The following LIN9 variants were observed in gnomAD, a reference collection of about 807,000 sequenced individuals.
LIN9 encodes lin-9 DREAM MuvB core complex component, also known as protein lin-9 homolog.
In LIN9, 18 loss-of-function variants were observed where a neutral mutation model predicts 78.0. The ratio of observed to expected loss-of-function variants is 0.23; its 90% CI spans 0.16 to 0.34. The LOEUF (loss-of-function observed/expected upper bound fraction) is 0.34. LIN9 is among the 10% of genes least tolerant of loss of function. LIN9 has a pLI of 1.00. For synonymous variants in LIN9, 192 were observed against 215.2 expected, an observed-to-expected ratio of 0.89 and a Z score of 0.94; for missense variants, 451 against 644.1, an observed-to-expected ratio of 0.70 and a Z score of 3.25.
At chr1:226,288,349 C>T (rs114333469) in intron 4 of LIN9, among the ~76,000 whole-genome samples, 207 of 152,204 alleles carry the variant, frequency 1.4e-3, no homozygotes, top group African/African-American at 4.6e-3. Context: ...TATTAAAAGA[C>T]GATGAGAACG....
At chr1:226,248,344 AC>A (rs1487621580) in intron 11 of LIN9, among the ~76,000 whole-genome samples, 1 of 152,220 alleles carries the variant, frequency 6.6e-6, no homozygotes, top group Non-Finnish European at 1.5e-5. Flanking sequence ...TCATTTAAAA[AC>A]ATGCCAGAAA....
chr1:226,301,143 T>C (rs1364204428), intron 2 of LIN9, 30 bp downstream of exon 2: 5 of 1,548,590 alleles, frequency 3.2e-6, no homozygotes, highest in Admixed American at 1.8e-5. Context: ...CTTTTAGCTA[T>C]GGTATACCTA....
chr1:226,231,990 T>C lies in LIN9; in HGVS notation c.*511A>G, dbSNP rs1421100283. 5 of 396,800 alleles carry C rather than the reference T, an allele frequency of 1.3e-5. No individual in the cohort carries two copies. Among genetic ancestry groups the C allele is most frequent in the African/African-American group, 8.2e-5 (4 of 48,572 alleles). 24.6% of individuals were successfully genotyped at this position (396,800 alleles called of 1,614,324 possible). A position where few individuals can be genotyped will look rare whatever the true frequency, so the allele number is the denominator to read the frequency against. On this transcript the variant is annotated 3_prime_UTR_variant, in exon 15 of 15. Transcript: ENST00000681046. ...ACATTTCCCATCTATATTTCAGTGGTTTCCTTAAAACTAGGACTTCCCACA... is the reference window on the plus strand; with the variant it reads ...ACATTTCCCATCTATATTTCAGTGGCTTCCTTAAAACTAGGACTTCCCACA...
At chr1:226,255,378 A>G (rs551968887) in intron 10 of LIN9, among the ~76,000 whole-genome samples, 1 of 152,300 alleles carries the variant, frequency 6.6e-6, no homozygotes, top group South Asian at 2.1e-4. Flanking sequence ...ACCTGGGGGA[A>G]GAGAAAAACC....
At chr1:226,295,041 T>C (rs1237230810) in intron 4 of LIN9, among the ~76,000 whole-genome samples, 3 of 152,054 alleles carry the variant, frequency 2.0e-5, no homozygotes, top group African/African-American at 7.2e-5. Context: ...CCTCAAGTGA[T>C]GCACTCACCT....
At chr1:226,267,073 C>G (rs1659963815) in intron 8 of LIN9, among the ~76,000 whole-genome samples, 1 of 151,798 alleles carries the variant, frequency 6.6e-6, no homozygotes, top group Admixed American at 6.6e-5. Flanking sequence ...AGCAACCGCG[C>G]CTGGCCAATT....
intron 11 of LIN9, among the ~76,000 whole-genome samples, chr1:226,241,766 G>A (rs1158667224): frequency 2.6e-5 from 4 of 152,176 alleles, no homozygotes; most frequent in African/African-American, 7.2e-5. Flanking sequence ...GCTGAGGCAG[G>A]AGAATGGCAT....
chr1:226,258,827 C>G (rs1659371570), intron 10 of LIN9, among the ~76,000 whole-genome samples: 1 of 123,276 alleles, frequency 8.1e-6, no homozygotes. Flanking sequence ...GGATGTGGAG[C>G]TTGCAGTGAG....
At chr1:226,277,438 A>C (rs1056003361) in intron 7 of LIN9, among the ~76,000 whole-genome samples, 13 of 152,204 alleles carry the variant, frequency 8.5e-5, no homozygotes, top group Admixed American at 3.3e-4. Context: ...AAGCTTTCTA[A>C]ATTTAAAAGC....
chr1:226,299,376 T>C (rs2102668209), intron 2 of LIN9, among the ~76,000 whole-genome samples: 1 of 151,866 alleles, frequency 6.6e-6, no homozygotes, highest in East Asian at 1.9e-4. Context: ...TGGTGATGCA[T>C]GCCTGCAGTC....
At chr1:226,246,598 T>C (rs1470209137) in intron 11 of LIN9, among the ~76,000 whole-genome samples, 5 of 149,718 alleles carry the variant, frequency 3.3e-5, no homozygotes, top group African/African-American at 9.9e-5. Flanking sequence ...CTGGCCAACA[T>C]GGTGAAACCC....
intron 4 of LIN9, among the ~76,000 whole-genome samples, chr1:226,295,221 G>A (rs10915965): frequency 0.076 from 11,545 of 151,836 alleles, 820 homozygotes; most frequent in African/African-American, 0.19. Flanking sequence ...AGGCCGAGGC[G>A]GGTAGATCAC....
chr1:226,249,310 G>C (rs756129016), intron 11 of LIN9, among the ~76,000 whole-genome samples: 2 of 152,188 alleles, frequency 1.3e-5, no homozygotes. Context: ...TTTAAGATAT[G>C]TAATGGCAAT....
intron 10 of LIN9, among the ~76,000 whole-genome samples, chr1:226,253,974 C>A (rs1409407308): frequency 6.6e-6 from 1 of 151,990 alleles, no homozygotes; most frequent in East Asian, 1.9e-4. Context: ...TTATAGCTAC[C>A]CAGGCTGAGT....
At chr1:226,270,743 A>C (rs769571205) in intron 7 of LIN9, among the ~76,000 whole-genome samples, 2 of 148,446 alleles carry the variant, frequency 1.3e-5, no homozygotes, top group Non-Finnish European at 3.0e-5. Flanking sequence ...CTTGAGCCCA[A>C]GAGGTAGAGA....
chr1:226,306,922 C>G (rs939634264), intron 1 of LIN9, among the ~76,000 whole-genome samples: 1 of 152,030 alleles, frequency 6.6e-6, no homozygotes, highest in African/African-American at 2.4e-5. Context: ...AAAGAAAATC[C>G]CTGGTTTCAA....
intron 7 of LIN9, among the ~76,000 whole-genome samples, chr1:226,268,951 G>C (rs1660098211): frequency 6.6e-6 from 1 of 152,144 alleles, no homozygotes. Context: ...TGAGTATTCT[G>C]AGTCTTTCTA....
At chr1:226,278,833 AAAG>A (rs1039598065) in intron 6 of LIN9, among the ~76,000 whole-genome samples, 2 of 135,278 alleles carry the variant, frequency 1.5e-5, no homozygotes, top group African/African-American at 5.6e-5. Flanking sequence ...CAAAAAAAAA[AAAG>A]AAAGGCCGGG....
In LIN9 at chr1:226,290,454, T is replaced by C. The variant is rs922654247; in HGVS notation, c.265-2657A>G. Among the ~76,000 whole-genome samples, 18 of 151,456 alleles carry C rather than the reference T, an allele frequency of 1.2e-4. 1 individual carries two copies. Among genetic ancestry groups the C allele is most frequent in the Admixed American group, 4.6e-4 (7 of 15,236 alleles). On this transcript the variant is annotated intron_variant, in intron 4 of 14. Coordinates refer to ENST00000681046, the MANE Select transcript of LIN9 (RefSeq NM_001366245.2). ...CTCCCGGGTTCACGCCATTCTCCTGTCTCAGCCTCCCGAGTAGCTGGGACT... is the reference window on the plus strand; with the variant it reads ...CTCCCGGGTTCACGCCATTCTCCTGCCTCAGCCTCCCGAGTAGCTGGGACT...
Sources: gnomAD v4.1 joint callset for allele counts (sites outside exome capture counted in the v4.1 genomes callset) on GRCh38, gnomAD v4.1.1 for gene constraint, MANE v1.5 for transcripts, NCBI Gene and HGNC (gene_info 2026-07-23, HGNC 2026-07-21) for gene names.